Variants in PAX2 observed in about 807,000 individuals in gnomAD.
PAX2 encodes the protein paired box 2, also known as paired box protein Pax-2.
In PAX2, 9 loss-of-function variants were observed where a neutral mutation model predicts 41.7. That is an observed-to-expected ratio of 0.22 (90% CI 0.13 to 0.38). The LOEUF (loss-of-function observed/expected upper bound fraction) is 0.38. Ranked by LOEUF, PAX2 falls within the 10% of genes least tolerant of loss-of-function variation. The pLI is 1.00. For missense variants in PAX2, 418 were observed against 531.6 expected, an observed-to-expected ratio of 0.79 and a Z score of 2.10; for synonymous variants, 221 against 212.7, an observed-to-expected ratio of 1.04 and a Z score of -0.34.
chr10:100,802,035 C>T (rs1847582575), intron 5 of PAX2, among the ~76,000 whole-genome samples: 1 of 152,214 alleles, frequency 6.6e-6, no homozygotes, highest in Admixed American at 6.5e-5. Flanking sequence ...TACTTGTGAG[C>T]TGCTACAGAA....
chr10:100,815,834 G>A (rs769552885), intron 7 of PAX2, among the ~76,000 whole-genome samples: 18 of 152,164 alleles, frequency 1.2e-4, no homozygotes, highest in African/African-American at 1.2e-4. Flanking sequence ...TGTGCCTACC[G>A]GCCACCCTGT....
chr10:100,811,425 A>T (rs906642802), intron 7 of PAX2, among the ~76,000 whole-genome samples: 1 of 152,272 alleles, frequency 6.6e-6, no homozygotes, highest in African/African-American at 2.4e-5. Context: ...CATTGCTCAG[A>T]GACTCCATAT....
At position 100,793,549 on chromosome 10, in the gene PAX2, C is replaced by T. The variant is rs190962772; in HGVS notation, c.616+12184C>T. The stretch of plus-strand genomic sequence containing the variant: ...CTTCTCCACAGGTAACCTGGGGGCT[C>T]TTTTTCGGGGGAGCTAAGTTATTCA... On this transcript the variant is annotated intron_variant, in intron 5 of 9. Transcript: ENST00000355243. 1.3e-3 allele frequency among the ~76,000 whole-genome samples: 193 copies of T among 152,314 alleles called. 1 individual carries two copies. The highest frequency in any genetic ancestry group is 4.4e-3 in the African/African-American group (184 of 41,572).
intron 3 of PAX2, among the ~76,000 whole-genome samples, chr10:100,755,840 C>T (rs574931153): frequency 1.3e-5 from 2 of 152,214 alleles, no homozygotes; most frequent in South Asian, 4.2e-4. Flanking sequence ...TGGGGCCAAA[C>T]AGGAGCAGCC....
chr10:100,750,773 A>G lies in PAX2; in HGVS notation c.292A>G (p.Lys98Glu). 1 of 1,614,190 alleles carries G rather than the reference A, an allele frequency of 6.2e-7. No individual in the cohort carries two copies. The highest frequency in any genetic ancestry group is 8.5e-7 in the Non-Finnish European group (1 of 1,179,992). ...PKVATPKVVD[K>E]IAEYKRQNPT... ...AGTGGCGACGCCCAAAGTGGTGGAC[A>G]AGATTGCTGAATACAAACGACAGAA... Residue 98 changes from lysine (K) to glutamate (E), a missense_variant, in exon 3 of 10, where the codon AAG (lysine) becomes GAG (glutamate). Lys to Glu is a moderately conservative substitution (Grantham distance 56, BLOSUM62 1). Transcript: ENST00000355243. The surrounding 1 kb of genome is among the most constrained non-coding windows in gnomAD (Gnocchi z 4.1).
In PAX2 at chr10:100,748,849, G is replaced by T; in HGVS notation, c.44-897G>T. 1 of 979,432 alleles carries T rather than the reference G, an allele frequency of 1.0e-6. No homozygotes were observed. Among genetic ancestry groups the T allele is most frequent in the Non-Finnish European group, 1.2e-6 (1 of 829,938 alleles). The allele number at this position is 979,432 out of a possible 1,614,324, so 60.7% of individuals were successfully genotyped here. On this transcript the variant is annotated intron_variant, in intron 1 of 9. Coordinates refer to ENST00000355243, the MANE Select transcript of PAX2 (RefSeq NM_000278.5). This position sits in a 1 kb window ranked among gnomAD's most constrained non-coding sequence, Gnocchi z 5.0. ...GTCGGGTTTGGGTCGGCTACACAGG[G>T]CGCCCCGAGAGTTATTAACTCGCCA...
At chr10:100,759,220 G>A (rs1845750764) in intron 3 of PAX2, among the ~76,000 whole-genome samples, 1 of 152,192 alleles carries the variant, frequency 6.6e-6, no homozygotes, top group Admixed American at 6.5e-5. Context: ...AGGCTGATGG[G>A]CCCTGAGGAG....
At chr10:100,815,951 G>C (rs115162224) in intron 7 of PAX2, among the ~76,000 whole-genome samples, 1 of 152,182 alleles carries the variant, frequency 6.6e-6, no homozygotes, top group Non-Finnish European at 1.5e-5. Flanking sequence ...AGGTAGGAAG[G>C]GTTTGGGGTG....
At position 100,748,509 on chromosome 10, in the gene PAX2, G is replaced by A; in HGVS notation, c.44-1237G>A. 3.0e-6 allele frequency: 3 copies of A among 984,840 alleles called. No homozygotes were observed. Among genetic ancestry groups the A allele is most frequent in the Non-Finnish European group, 3.6e-6 (3 of 829,884 alleles). 61.0% of individuals were successfully genotyped at this position (984,840 alleles called of 1,614,324 possible). A position where few individuals can be genotyped will look rare whatever the true frequency, so the allele number is the denominator to read the frequency against. On this transcript the variant is annotated intron_variant, in intron 1 of 9. Transcript: ENST00000355243. This position sits in a 1 kb window ranked among gnomAD's most constrained non-coding sequence, Gnocchi z 5.0. ...AAACTCGCGTGAGGCTAGCGGGGCA[G>A]GGGCTGCAGCTTGCCAGTCCGGGCC...
intron 3 of PAX2, among the ~76,000 whole-genome samples, chr10:100,753,689 G>T (rs1165751712): frequency 1.3e-5 from 2 of 152,234 alleles, no homozygotes; most frequent in African/African-American, 4.8e-5. Flanking sequence ...ACCCACCTGA[G>T]CTAGTGGTTT....
intron 3 of PAX2, among the ~76,000 whole-genome samples, chr10:100,753,338 C>G (rs1400190004): frequency 6.6e-6 from 1 of 152,206 alleles, no homozygotes; most frequent in Admixed American, 6.5e-5. Flanking sequence ...GAACCACGCT[C>G]TCATCTTCAT....
intron 3 of PAX2, among the ~76,000 whole-genome samples, chr10:100,775,937 A>G (rs1002874395): frequency 6.6e-6 from 1 of 152,212 alleles, no homozygotes; most frequent in African/African-American, 2.4e-5. Flanking sequence ...AAGCCGTAAA[A>G]GCTCCTTTTC....
chr10:100,735,806 G>C, intron 1 of PAX2: 1 of 940,990 alleles, frequency 1.1e-6, no homozygotes, highest in Non-Finnish European at 1.3e-6. Context: ...CCATGGCCGG[G>C]GCGGGCTCCT....
chr10:100,767,040 A>G (rs1428481721), intron 3 of PAX2, among the ~76,000 whole-genome samples: 1 of 152,228 alleles, frequency 6.6e-6, no homozygotes, highest in East Asian at 1.9e-4. Context: ...ACAAAACACC[A>G]AGTAACAAAC....
intron 6 of PAX2, among the ~76,000 whole-genome samples, chr10:100,807,036 G>A (rs1296314061): frequency 6.6e-6 from 1 of 151,990 alleles, no homozygotes; most frequent in Non-Finnish European, 1.5e-5. Context: ...AGACTGGGGA[G>A]CTCTCCTTGC....
intron 4 of PAX2, among the ~76,000 whole-genome samples, chr10:100,780,225 T>C (rs575812880): frequency 1.1e-4 from 17 of 152,230 alleles, no homozygotes; most frequent in Admixed American, 1.1e-3. Context: ...TCCATCCTCC[T>C]CATTCTTTGA....
At chr10:100,794,023 C>G (rs542763145) in intron 5 of PAX2, among the ~76,000 whole-genome samples, 35 of 152,124 alleles carry the variant, frequency 2.3e-4, no homozygotes, top group African/African-American at 8.2e-4. Context: ...GGGGCTTCAG[C>G]CTGGGAGCCT....
chr10:100,742,872 T>C, upstream of PAX2, among the ~76,000 whole-genome samples: 1 of 119,378 alleles, frequency 8.4e-6, no homozygotes, highest in African/African-American at 3.3e-5. Flanking sequence ...TTTTTTTTTT[T>C]TTTTTTTTTT....
chr10:100,809,374 G>T, intron 7 of PAX2, 138 bp downstream of exon 7: 1 of 879,044 alleles, frequency 1.1e-6, no homozygotes, highest in South Asian at 1.5e-5. Flanking sequence ...AAACCAGGGT[G>T]CTTCCTGAAC....
Sources: gnomAD v4.1 joint callset for allele counts (sites outside exome capture counted in the v4.1 genomes callset) on GRCh38, gnomAD v4.1.1 for gene constraint, Gnocchi (gnomAD v3.1) non-coding constraint, MANE v1.5 for transcripts, NCBI Gene and HGNC (gene_info 2026-07-23, HGNC 2026-07-21) for gene names.